GLIPR2: variants seen among roughly 807,000 people sequenced by gnomAD.
GLIPR2 encodes the protein GLI pathogenesis related 2, also known as Golgi-associated plant pathogenesis-related protein 1.
A neutral mutation model predicts 20.4 loss-of-function variants in GLIPR2; 21 were observed. That is an observed-to-expected ratio of 1.03 (90% CI 0.73 to 1.48). The LOEUF (loss-of-function observed/expected upper bound fraction) is 1.48, where lower values mean the gene tolerates loss of function less well. Ranked by LOEUF, GLIPR2 falls within the 40% of genes most tolerant of loss-of-function variation. The pLI is 0.00. For synonymous variants in GLIPR2, 91 were observed against 80.5 expected, an observed-to-expected ratio of 1.13 and a Z score of -0.70; for missense variants, 205 against 200.1, an observed-to-expected ratio of 1.02 and a Z score of -0.15.
chr9:36,154,753 C>T (rs1343460216), intron 4 of GLIPR2, among the ~76,000 whole-genome samples: 2 of 152,172 alleles, frequency 1.3e-5, no homozygotes, highest in Admixed American at 6.5e-5. Context: ...ACCTCCCCCG[C>T]GAGAAGAAAG....
chr9:36,156,885 G>C (rs1441900746), intron 4 of GLIPR2, among the ~76,000 whole-genome samples: 1 of 152,088 alleles, frequency 6.6e-6, no homozygotes, highest in Non-Finnish European at 1.5e-5. Flanking sequence ...AACTATTCTA[G>C]CTACCTCATA....
chr9:36,161,452 A>C (rs1176457182), intron 4 of GLIPR2, among the ~76,000 whole-genome samples: 2 of 152,016 alleles, frequency 1.3e-5, no homozygotes, highest in Admixed American at 6.6e-5. Flanking sequence ...GAGCTGGAGA[A>C]ATAAATTTGG....
intron 3 of GLIPR2, 115 bp from the exon 4 acceptor site, chr9:36,150,757 T>G: frequency 1.4e-6 from 1 of 717,084 alleles, no homozygotes. Flanking sequence ...GACTGGGGCT[T>G]TCTCAGATGT....
intron 4 of GLIPR2, among the ~76,000 whole-genome samples, chr9:36,152,382 A>G (rs1825622913): frequency 6.6e-6 from 1 of 152,228 alleles, no homozygotes; most frequent in African/African-American, 2.4e-5. Flanking sequence ...ATTCTTCAGC[A>G]ATCGGACATG....
chr9:36,143,542 C>T (rs1425804464), intron 1 of GLIPR2, among the ~76,000 whole-genome samples: 1 of 152,220 alleles, frequency 6.6e-6, no homozygotes, highest in African/African-American at 2.4e-5. Context: ...GTCACCTTTG[C>T]GGTGTCACCT....
chr9:36,148,242 C>T lies in GLIPR2; in HGVS notation c.123-305C>T, dbSNP rs201596634. The stretch of plus-strand genomic sequence containing the variant: ...CAGCCTGGGTGACAGAGTGAGACAA[C>T]ATCTCAAAAAAAAAAAAACGTTGGG... On this transcript the variant is annotated intron_variant, in intron 2 of 4. Coordinates refer to ENST00000377960, the MANE Select transcript of GLIPR2 (RefSeq NM_022343.4). 6.1e-5 allele frequency among the ~76,000 whole-genome samples: 9 copies of T among 148,652 alleles called. No individual in the cohort carries two copies. In the East Asian group the frequency reaches 1.8e-3, roughly 29 times the overall value.
chr9:36,136,961 G>T lies in GLIPR2; in HGVS notation c.13+170G>T, dbSNP rs1207197744. 5.1e-6 allele frequency: 4 copies of T among 785,394 alleles called. No individual in the cohort carries two copies. Among genetic ancestry groups the T allele is most frequent in the African/African-American group, 1.8e-5 (1 of 55,678 alleles). 48.7% of individuals were successfully genotyped at this position (785,394 alleles called of 1,614,324 possible). On this transcript the variant is annotated intron_variant, in intron 1 of 4. Coordinates refer to ENST00000377960, the MANE Select transcript of GLIPR2 (RefSeq NM_022343.4). This position sits in a 1 kb window ranked among gnomAD's most constrained non-coding sequence, Gnocchi z 4.3. ...GGCGCGGTTTCCGGGGAACCCGGGGGGAAGGCGAGCCCGAGGGAGGCCCCC... is the reference window on the plus strand; with the variant it reads ...GGCGCGGTTTCCGGGGAACCCGGGGTGAAGGCGAGCCCGAGGGAGGCCCCC...
At chr9:36,151,328 C>T (rs953870465) in intron 4 of GLIPR2, among the ~76,000 whole-genome samples, 1 of 152,128 alleles carries the variant, frequency 6.6e-6, no homozygotes, top group African/African-American at 2.4e-5. Flanking sequence ...TCTCCAGCAG[C>T]CTCAATACTT....
intron 3 of GLIPR2, among the ~76,000 whole-genome samples, chr9:36,150,375 A>G (rs1587142396): frequency 2.0e-5 from 3 of 152,172 alleles, no homozygotes. Context: ...TGGATGCCCC[A>G]GGTGAGGTCC....
chr9:36,160,934 T>C (rs1336637926), intron 4 of GLIPR2, among the ~76,000 whole-genome samples: 1 of 151,884 alleles, frequency 6.6e-6, no homozygotes, highest in African/African-American at 2.4e-5. Flanking sequence ...TCCCAGCTAC[T>C]TGGGAGGCTG....
chr9:36,147,061 A>G (rs1194904159), intron 1 of GLIPR2, among the ~76,000 whole-genome samples: 2 of 152,146 alleles, frequency 1.3e-5, no homozygotes, highest in Non-Finnish European at 2.9e-5. Flanking sequence ...TTCCCCACTC[A>G]GACTCACACA....
At chr9:36,157,785 T>C (rs953904738) in intron 4 of GLIPR2, among the ~76,000 whole-genome samples, 1 of 151,556 alleles carries the variant, frequency 6.6e-6, no homozygotes, top group East Asian at 1.9e-4. Context: ...GATGGACACT[T>C]GGGCTGTGTG....
chr9:36,162,021 A>G (rs1826074512), intron 4 of GLIPR2, among the ~76,000 whole-genome samples: 2 of 152,112 alleles, frequency 1.3e-5, no homozygotes, highest in Admixed American at 1.3e-4. Context: ...AAAAATACAA[A>G]AAAATTAGCT....
intron 4 of GLIPR2, among the ~76,000 whole-genome samples, chr9:36,152,902 A>C (rs2132756902): frequency 7.1e-6 from 1 of 141,064 alleles, no homozygotes; most frequent in South Asian, 2.4e-4. Context: ...TGAGGTCAAG[A>C]GCAAGACAGG....
rs183739146 is a variant in GLIPR2 at position 36,143,666 on chromosome 9, C to T, written c.14-4120C>T. ...CAGTTGTTCATCTTGTCTCCTCTCA[C>T]TCCTACCCCAGCAGGACCTTATGGG... On this transcript the variant is annotated intron_variant, in intron 1 of 4. Coordinates refer to ENST00000377960, the MANE Select transcript of GLIPR2 (RefSeq NM_022343.4). Among the ~76,000 whole-genome samples the T allele has an allele frequency of 9.5e-4, 145 of 152,316 alleles. 1 individual carries two copies. Among genetic ancestry groups the T allele is most frequent in the African/African-American group, 3.3e-3 (139 of 41,564 alleles).
At position 36,157,893 on chromosome 9, in the gene GLIPR2, A is replaced by G. The variant is rs957403280; in HGVS notation, c.305-4469A>G. Among the ~76,000 whole-genome samples, 14 of 151,708 alleles carry G rather than the reference A, an allele frequency of 9.2e-5. No homozygotes were observed. The South Asian group carries it at 1.7e-3, about 18-fold the overall frequency. On this transcript the variant is annotated intron_variant, in intron 4 of 4. Transcript: ENST00000377960. ...AATGGCACAGTCTCGGCTCATTGCA[A>G]CCTCTGCCTCCCAGGTTCAAGCAAT...
At chr9:36,142,201 C>T (rs1165056420) in intron 1 of GLIPR2, among the ~76,000 whole-genome samples, 1 of 152,130 alleles carries the variant, frequency 6.6e-6, no homozygotes, top group East Asian at 1.9e-4. Flanking sequence ...TCAGCTGCCA[C>T]CCCTGTCTAT....
chr9:36,158,147 T>A (rs556222808), intron 4 of GLIPR2, among the ~76,000 whole-genome samples: 1 of 152,306 alleles, frequency 6.6e-6, no homozygotes, highest in Non-Finnish European at 1.5e-5. Flanking sequence ...TTTCAACCTC[T>A]CTGCTAGGAG....
intron 1 of GLIPR2, among the ~76,000 whole-genome samples, chr9:36,142,442 G>T (rs1044299971): frequency 2.0e-5 from 3 of 152,166 alleles, no homozygotes; most frequent in Non-Finnish European, 4.4e-5. Flanking sequence ...CATGGGTAAG[G>T]TCATGGCAGC....
Sources: allele counts gnomAD v4.1 joint callset (sites outside exome capture counted in the v4.1 genomes callset), GRCh38; gene constraint gnomAD v4.1.1; non-coding constraint Gnocchi (gnomAD v3.1); transcripts MANE v1.5; gene names NCBI Gene and HGNC (gene_info 2026-07-23, HGNC 2026-07-21).